The following GOLGA5 variants were observed in gnomAD, a reference collection of about 807,000 sequenced individuals.
The protein encoded by GOLGA5 is golgin A5.
GOLGA5 carries 50 observed loss-of-function variants against 93.5 expected under a neutral mutation model. That is an observed-to-expected ratio of 0.53 (90% CI 0.43 to 0.68). The LOEUF is 0.68. GOLGA5 is among the 30% of genes least tolerant of loss of function. The probability of loss-of-function intolerance (pLI) is 0.00; values close to 1 mark genes in which losing one functional copy is unlikely to be tolerated. For missense variants in GOLGA5, 760 were observed against 856.4 expected, an observed-to-expected ratio of 0.89 and a Z score of 1.40; for synonymous variants, 312 against 304.5, an observed-to-expected ratio of 1.02 and a Z score of -0.26.
At position 92,797,596 on chromosome 14, in the gene GOLGA5, A is replaced by G. The variant is rs759273994; in HGVS notation, c.159A>G (p.Ile53Met). The G allele has an allele frequency of 1.9e-6, 3 of 1,613,618 alleles. No individual in the cohort carries two copies. The South Asian group carries it at 3.3e-5, about 18-fold the overall frequency. ...TELHQQNTDL[I>M]YQTGPKSTYI... ...TTCACCAGCAAAATACAGATTTGAT[A>G]TATCAGACTGGACCTAAATCTACGT... The change falls in exon 2 of 13, where the codon ATA becomes ATG. Residue 53 changes from isoleucine to methionine, a missense_variant. Transcript: ENST00000163416.
chr14:92,825,618 TGGGAGA>T (rs1885400768), intron 9 of GOLGA5, among the ~76,000 whole-genome samples: 1 of 152,168 alleles, frequency 6.6e-6, no homozygotes, highest in South Asian at 2.1e-4. Context: ...CCCAACACTT[TGGGAGA>T]CCGAGGCAGG....
intron 11 of GOLGA5, among the ~76,000 whole-genome samples, chr14:92,836,801 CACCT>C (rs1208716092): frequency 1.3e-5 from 2 of 152,138 alleles, no homozygotes; most frequent in African/African-American, 4.8e-5. Context: ...CGGTGGCTCA[CACCT>C]GTAATCCCAG....
chr14:92,836,734 C>T (rs1885649477), intron 11 of GOLGA5, among the ~76,000 whole-genome samples: 1 of 152,048 alleles, frequency 6.6e-6, no homozygotes, highest in South Asian at 2.1e-4. Context: ...ATAGTTGACA[C>T]CCACCTAATC....
chr14:92,833,269 G>T lies in GOLGA5; in HGVS notation c.1867G>T (p.Glu623Ter). 6.2e-7 allele frequency: 1 copy of T among 1,613,976 alleles called. No individual in the cohort carries two copies. Among genetic ancestry groups the T allele is most frequent in the South Asian group, 1.1e-5 (1 of 91,078 alleles). ...CCTGGTCTTTCAACTGGAGCGCCTC[G>T]AACAGCAGATGAACTCCGCCTCTGG... ...NSLVFQLERL[E>*]QQMNSASGSS... The change falls in exon 10 of 13, where the codon GAA (glutamate) becomes TAA (stop). Residue 623 changes from glutamate (E) to a stop codon, truncating the protein, a stop_gained. Coordinates refer to ENST00000163416, the MANE Select transcript of GOLGA5 (RefSeq NM_005113.4). LOFTEE classifies it high-confidence loss of function.
intron 11 of GOLGA5, among the ~76,000 whole-genome samples, chr14:92,836,536 T>C (rs2064952): frequency 0.74 from 112,151 of 152,034 alleles, 41,815 homozygotes; most frequent in East Asian, 0.85. Flanking sequence ...TCTGCATGTA[T>C]CTGTCTTGAT....
At chr14:92,829,877 CTTATT>C (rs1231050863) in intron 9 of GOLGA5, among the ~76,000 whole-genome samples, 4 of 151,960 alleles carry the variant, frequency 2.6e-5, no homozygotes, top group Non-Finnish European at 4.4e-5. Context: ...TTGTTGTTAT[CTTATT>C]TTAAGAAATT....
chr14:92,810,313 AGGAGAGACTGCATGAAGC>A lies in GOLGA5; in HGVS notation c.1056_1073del (p.Glu352_Ala357del). 1 of 1,600,596 alleles carries A rather than the reference AGGAGAGACTGCATGAAGC, an allele frequency of 6.2e-7. No individual in the cohort carries two copies. The highest frequency in any genetic ancestry group is 8.6e-7 in the Non-Finnish European group (1 of 1,169,232). Reference sequence around the variant, plus strand: ...CAGAATCAAGCTCTGCAGACTTTTCAGGAGAGACTGCATGAAGCGGATGCCACTCTGAAGAGAGAGCAG... The same window carrying A: ...CAGAATCAAGCTCTGCAGACTTTTCAGGATGCCACTCTGAAGAGAGAGCAG... On this transcript the variant is annotated inframe_deletion, in exon 5 of 13. Transcript: ENST00000163416.
chr14:92,832,795 T>G (rs1885557408), intron 9 of GOLGA5, among the ~76,000 whole-genome samples: 1 of 152,196 alleles, frequency 6.6e-6, no homozygotes. Flanking sequence ...GAAAAACAGT[T>G]TACATCGTGT....
At chr14:92,820,014 A>C (rs1885284081) in intron 8 of GOLGA5, among the ~76,000 whole-genome samples, 178 bp downstream of exon 8, 1 of 152,208 alleles carries the variant, frequency 6.6e-6, no homozygotes, top group Non-Finnish European at 1.5e-5. Context: ...ACCTGTGGGT[A>C]TATCTCATCA....
At chr14:92,839,285 GT>G in intron 12 of GOLGA5, 80 bp from the exon 13 acceptor site, 1 of 830,060 alleles carries the variant, frequency 1.2e-6, no homozygotes, top group Non-Finnish European at 2.1e-6. Flanking sequence ...GTAAGACACA[GT>G]GCCTGCCCTC....
Position 92,837,432 on chromosome 14 carries a change from T to C in GOLGA5, c.2098T>C (p.Phe700Leu), listed in dbSNP as rs894787389. The change falls in exon 12 of 13, where the codon TTT (phenylalanine) becomes CTT (leucine). Residue 700 changes from phenylalanine (F) to leucine (L), a missense_variant. Phe to Leu is a conservative substitution (Grantham distance 22). Coordinates refer to ENST00000163416, the MANE Select transcript of GOLGA5 (RefSeq NM_005113.4). Reference protein sequence around the residue: ...FLRRYPIARVFVIIYMALLHL... With the variant: ...FLRRYPIARVLVIIYMALLHL... ...CCGAAGATACCCCATAGCGCGAGTTTTTGTAATTATATATATGGTAAGTAA... is the reference window on the plus strand; with the variant it reads ...CCGAAGATACCCCATAGCGCGAGTTCTTGTAATTATATATATGGTAAGTAA... The C allele has an allele frequency of 2.7e-6, 4 of 1,470,212 alleles. No homozygotes were observed. The South Asian group carries it at 4.6e-5, about 17-fold the overall frequency. The allele number at this position is 1,470,212 out of a possible 1,614,324, so 91.1% of individuals were successfully genotyped here. A position where few individuals can be genotyped will look rare whatever the true frequency, so the allele number is the denominator to read the frequency against.
chr14:92,838,163 C>G (rs1215506411), intron 12 of GOLGA5, among the ~76,000 whole-genome samples: 12 of 152,080 alleles, frequency 7.9e-5, no homozygotes, highest in Admixed American at 7.9e-4. Context: ...GATTTCTTAC[C>G]TCTAGTAAAA....
chr14:92,811,737 G>A lies in GOLGA5; in HGVS notation c.1303G>A (p.Ala435Thr), dbSNP rs895328877. 6.2e-7 allele frequency: 1 copy of A among 1,610,292 alleles called. No homozygotes were observed. Among genetic ancestry groups the A allele is most frequent in the Non-Finnish European group, 8.5e-7 (1 of 1,176,866 alleles). ...KQELIDYKQKATRILQSKEKL... is the reference protein window; with the variant it reads ...KQELIDYKQKTTRILQSKEKL... Reference sequence around the variant, plus strand: ...GGAATTAATTGACTACAAGCAAAAAGCTACTAGAATACTGCAAGTAAGCAT... The same window carrying A: ...GGAATTAATTGACTACAAGCAAAAAACTACTAGAATACTGCAAGTAAGCAT... Residue 435 changes from alanine (A) to threonine (T), a missense_variant, in exon 6 of 13, where the codon GCT (alanine) becomes ACT (threonine). Physicochemically the swap from Ala to Thr is moderately conservative, Grantham distance 58. Transcript: ENST00000163416.
chr14:92,832,159 T>C, intron 9 of GOLGA5, among the ~76,000 whole-genome samples: 1 of 152,148 alleles, frequency 6.6e-6, no homozygotes, highest in East Asian at 1.9e-4. Flanking sequence ...GCTAGAGTGA[T>C]TAGAGAAGAC....
chr14:92,799,545 A>G (rs977370742), intron 2 of GOLGA5, among the ~76,000 whole-genome samples: 22 of 150,496 alleles, frequency 1.5e-4, no homozygotes, highest in African/African-American at 4.9e-4. Flanking sequence ...CGGCCTCCCA[A>G]AGTGCTGGGA....
At chr14:92,807,077 A>G in intron 3 of GOLGA5, 114 bp downstream of exon 3, 1 of 675,398 alleles carries the variant, frequency 1.5e-6, no homozygotes, top group Non-Finnish European at 2.6e-6. Context: ...AGGCGGGCGG[A>G]TTGCCTGAGG....
chr14:92,827,516 C>G (rs1049744951), intron 9 of GOLGA5, among the ~76,000 whole-genome samples: 1 of 152,212 alleles, frequency 6.6e-6, no homozygotes, highest in African/African-American at 2.4e-5. Context: ...CTTTACCTCT[C>G]CTCAGGCCTT....
Position 92,810,304 on chromosome 14 carries a change from A to G in GOLGA5, c.1043A>G (p.Gln348Arg). 2 of 1,603,840 alleles carry G rather than the reference A, an allele frequency of 1.2e-6. No homozygotes were observed. The highest frequency in any genetic ancestry group is 1.7e-6 in the Non-Finnish European group (2 of 1,172,898). The change falls in exon 5 of 13, where the codon CAG becomes CGG. Residue 348 changes from glutamine to arginine, a missense_variant. Transcript: ENST00000163416. ...EGNSLQNQAL[Q>R]TFQERLHEAD... ...AACAGCCTGCAGAATCAAGCTCTGC[A>G]GACTTTTCAGGAGAGACTGCATGAA...
At position 92,805,532 on chromosome 14, in the gene GOLGA5, G is replaced by A. The variant is rs894156233; in HGVS notation, c.545-1204G>A. ...TAGGAGTGGAATTGCTGGGTGAAAC[G>A]GTAGCTGCATGTTTAATTTCATAAG... On this transcript the variant is annotated intron_variant, in intron 2 of 12. Coordinates refer to ENST00000163416, the MANE Select transcript of GOLGA5 (RefSeq NM_005113.4). Among the ~76,000 whole-genome samples, 8 of 152,170 alleles carry A rather than the reference G, an allele frequency of 5.3e-5. No individual in the cohort carries two copies. In the East Asian group the frequency reaches 1.4e-3, roughly 26 times the overall value.
Sources: gnomAD v4.1 joint callset for allele counts (sites outside exome capture counted in the v4.1 genomes callset) on GRCh38, gnomAD v4.1.1 for gene constraint, MANE v1.5 for transcripts, NCBI Gene and HGNC (gene_info 2026-07-23, HGNC 2026-07-21) for gene names.